USP25: variants seen among roughly 807,000 people sequenced by gnomAD.
USP25 encodes ubiquitin carboxyl-terminal hydrolase 25.
In USP25, 85 loss-of-function variants were observed where a neutral mutation model predicts 158.5. That is an observed-to-expected ratio of 0.54 (90% confidence interval 0.45 to 0.64). The LOEUF (loss-of-function observed/expected upper bound fraction) is 0.64. Among genes scored for constraint, USP25 ranks in the 30% least tolerant of loss-of-function variants. USP25 has a pLI of 0.00. For missense variants in USP25, 1,242 were observed against 1,327.3 expected, an observed-to-expected ratio of 0.94 and a Z score of 1.00; for synonymous variants, 464 against 460.4, an observed-to-expected ratio of 1.01 and a Z score of -0.10.
chr21:15,828,548 G>GC (rs1293780324), intron 14 of USP25, among the ~76,000 whole-genome samples: 8 of 152,214 alleles, frequency 5.3e-5, no homozygotes, highest in Non-Finnish European at 1.0e-4. Context: ...CAAATAGAAT[G>GC]TATTTTGGAA....
chr21:15,755,113 T>G (rs2033289299), intron 1 of USP25, among the ~76,000 whole-genome samples: 1 of 152,204 alleles, frequency 6.6e-6, no homozygotes, highest in Non-Finnish European at 1.5e-5. Flanking sequence ...GCAGTGCGTG[T>G]GATTCTGAAG....
chr21:15,827,294 A>G, intron 14 of USP25, 91 bp downstream of exon 14: 1 of 1,075,842 alleles, frequency 9.3e-7, no homozygotes, highest in Non-Finnish European at 1.3e-6. Context: ...TGGATTTTAT[A>G]TTTAAATATT....
intron 18 of USP25, among the ~76,000 whole-genome samples, chr21:15,846,898 G>T (rs1179359783): frequency 1.3e-5 from 2 of 152,048 alleles, no homozygotes; most frequent in Non-Finnish European, 2.9e-5. Context: ...CTGTATTAGT[G>T]TAGATTACTG....
intron 1 of USP25, among the ~76,000 whole-genome samples, chr21:15,736,313 G>A (rs1443650800): frequency 6.6e-6 from 1 of 152,076 alleles, no homozygotes. Context: ...GGCCAGGCTG[G>A]TCTTAAACTC....
chr21:15,766,276 T>A lies in USP25; in HGVS notation c.268+135T>A. On this transcript the variant is annotated intron_variant, in intron 3 of 25. Coordinates refer to ENST00000400183, the MANE Select transcript of USP25 (RefSeq NM_001283041.3). This position sits in a 1 kb window ranked among gnomAD's most constrained non-coding sequence, Gnocchi z 4.0. ...CTATTAACCTTGGTTCTTTTTAATGTAGTTGAAAGGAACATACATTATCTT... is the reference window on the plus strand; with the variant it reads ...CTATTAACCTTGGTTCTTTTTAATGAAGTTGAAAGGAACATACATTATCTT... The A allele has an allele frequency of 1.5e-6, 1 of 682,546 alleles. No homozygotes were observed. Among genetic ancestry groups the A allele is most frequent in the Non-Finnish European group, 2.2e-6 (1 of 462,596 alleles). 42.3% of individuals were successfully genotyped at this position (682,546 alleles called of 1,614,324 possible).
At chr21:15,790,180 C>G (rs2035515282) in intron 4 of USP25, among the ~76,000 whole-genome samples, 1 of 152,014 alleles carries the variant, frequency 6.6e-6, no homozygotes, top group Admixed American at 6.6e-5. Context: ...AGTTCTATGT[C>G]TTTTCGTGAA....
intron 1 of USP25, among the ~76,000 whole-genome samples, chr21:15,751,591 A>G (rs761504300): frequency 2.0e-5 from 3 of 152,222 alleles, no homozygotes; most frequent in East Asian, 1.9e-4. Context: ...AGTTAAATAC[A>G]TATTTTATTT....
At position 15,877,867 on chromosome 21, in the gene USP25, C is replaced by G. The variant is rs745687485; in HGVS notation, c.3081C>G (p.Ile1027Met). Residue 1027 changes from isoleucine to methionine, a missense_variant, in exon 25 of 26, where the codon ATC becomes ATG. Physicochemically the swap from Ile to Met is conservative, Grantham distance 10. Around this residue, in one of 3 missense-constraint regions of USP25, gnomAD observed 608 missense variants for 605.2 expected, o/e 1.00. Transcript: ENST00000400183. ...EDREVNNGLI[I>M]MNEFIVPFLP... ...GAGAAGTAAACAATGGTTTGATTAT[C>G]ATGAATGAGTTTATTGTCCCATTTT... The G allele has an allele frequency of 8.7e-6, 14 of 1,613,034 alleles. No homozygotes were observed. The highest frequency in any genetic ancestry group is 1.3e-5 in the African/African-American group (1 of 74,886).
intron 4 of USP25, among the ~76,000 whole-genome samples, chr21:15,789,611 A>G (rs1243624002): frequency 6.6e-6 from 1 of 152,032 alleles, no homozygotes; most frequent in Non-Finnish European, 1.5e-5. Flanking sequence ...CTGCACTGGT[A>G]CTAGTCAATT....
chr21:15,814,752 A>G (rs2036848440), intron 9 of USP25, among the ~76,000 whole-genome samples: 1 of 152,184 alleles, frequency 6.6e-6, no homozygotes, highest in Non-Finnish European at 1.5e-5. Context: ...GAGCTATTAA[A>G]AGCATTCCAT....
rs1348361487 is a variant in USP25 at position 15,766,671 on chromosome 21, A to G, written c.268+530A>G. On this transcript the variant is annotated intron_variant, in intron 3 of 25. Transcript: ENST00000400183. The surrounding 1 kb of genome is among the most constrained non-coding windows in gnomAD (Gnocchi z 4.0). ...GAAAAAGTGTTTTGGAGATACAAAT[A>G]CGTACATGTGGAAGATTCTATGTGG... Among the ~76,000 whole-genome samples, 2 of 152,064 alleles carry G rather than the reference A, an allele frequency of 1.3e-5. No homozygotes were observed.
rs751334996 is a variant in USP25 at position 15,808,877 on chromosome 21, AGAG to A, written c.853_855del (p.Glu285del). The stretch of plus-strand genomic sequence containing the variant: ...AAGATGCCTTCCAAATGAAAGCTGA[AGAG>A]GAGACGTAAGTTACCGTGAAGTTTA... On this transcript the variant is annotated inframe_deletion, in exon 8 of 26. Coordinates refer to ENST00000400183, the MANE Select transcript of USP25 (RefSeq NM_001283041.3). The A allele has an allele frequency of 2.0e-5, 33 of 1,610,454 alleles. No individual in the cohort carries two copies. The highest frequency in any genetic ancestry group is 5.3e-5 in the African/African-American group (4 of 74,778).
At chr21:15,832,028 C>T (rs986796155) in intron 16 of USP25, among the ~76,000 whole-genome samples, 1 of 152,178 alleles carries the variant, frequency 6.6e-6, no homozygotes, top group Admixed American at 6.5e-5. Flanking sequence ...GCTGTATCTG[C>T]TCATATCAAA....
chr21:15,861,786 T>TTAAGAATTGCA (rs2039438664), intron 20 of USP25, among the ~76,000 whole-genome samples: 1 of 152,138 alleles, frequency 6.6e-6, no homozygotes, highest in African/African-American at 2.4e-5. Flanking sequence ...TAAAAAATAG[T>TTAAGAATTGCA]TAAGAATTGC....
In USP25 at chr21:15,830,989, C is replaced by T. The variant is rs112130070; in HGVS notation, c.1764+388C>T. Among the ~76,000 whole-genome samples the T allele has an allele frequency of 2.1e-3, 316 of 152,216 alleles. 1 individual carries two copies. The highest frequency in any genetic ancestry group is 0.014 in the Middle Eastern group (4 of 294). ...AGATTTGGGAAGAAACTTAAGGACT[C>T]CATTACATTTTAACTTCTGGTGTAT... On this transcript the variant is annotated intron_variant, in intron 15 of 25. Coordinates refer to ENST00000400183, the MANE Select transcript of USP25 (RefSeq NM_001283041.3).
At chr21:15,852,861 A>G (rs902930489) in intron 20 of USP25, among the ~76,000 whole-genome samples, 5 of 152,200 alleles carry the variant, frequency 3.3e-5, no homozygotes, top group African/African-American at 1.2e-4. Context: ...ACATGAGTGT[A>G]ACCCCTTTAT....
chr21:15,770,713 T>C lies in USP25; in HGVS notation c.268+4572T>C, dbSNP rs145417186. ...TAATATTGAAATTCAGTTTCTCAGT[T>C]GCACTTTAAATGTTTAATTCTGGTG... is the stretch of plus-strand genomic sequence containing the variant. On this transcript the variant is annotated intron_variant, in intron 3 of 25. Coordinates refer to ENST00000400183, the MANE Select transcript of USP25 (RefSeq NM_001283041.3). Among the ~76,000 whole-genome samples, 347 of 152,332 alleles carry C rather than the reference T, an allele frequency of 2.3e-3. 2 individuals are homozygous for C. The highest frequency in any genetic ancestry group is 8.2e-3 in the African/African-American group (341 of 41,576).
In USP25 at chr21:15,816,073, T is replaced by C. The variant is rs1960432173; in HGVS notation, c.932-2625T>C. Among the ~76,000 whole-genome samples, 1 of 152,190 alleles carries C rather than the reference T, an allele frequency of 6.6e-6. No individual in the cohort carries two copies. Among genetic ancestry groups the C allele is most frequent in the Admixed American group, 6.5e-5 (1 of 15,270 alleles). The stretch of plus-strand genomic sequence containing the variant: ...CTGATGTAAATCTCAACTTGAATTA[T>C]ATCTCCCAGAGTTCCCACATGTTGT... On this transcript the variant is annotated intron_variant, in intron 9 of 25. Coordinates refer to ENST00000400183, the MANE Select transcript of USP25 (RefSeq NM_001283041.3). This position sits in a 1 kb window ranked among gnomAD's most constrained non-coding sequence, Gnocchi z 4.0.
In USP25 at chr21:15,823,946, A is replaced by G. The variant is rs947910315; in HGVS notation, c.1081-93A>G. 15 of 1,274,592 alleles carry G rather than the reference A, an allele frequency of 1.2e-5. No individual in the cohort carries two copies. In the African/African-American group the frequency reaches 2.1e-4, roughly 18 times the overall value. The allele number at this position is 1,274,592 out of a possible 1,614,324, so 79.0% of individuals were successfully genotyped here. A position where few individuals can be genotyped will look rare whatever the true frequency, so the allele number is the denominator to read the frequency against. ...AGGTCCGCATTGTGGTGATACATATAACAATGTCAGTGCCCACATCCTGTG... is the reference window on the plus strand; with the variant it reads ...AGGTCCGCATTGTGGTGATACATATGACAATGTCAGTGCCCACATCCTGTG... On this transcript the variant is annotated intron_variant, in intron 10 of 25. Coordinates refer to ENST00000400183, the MANE Select transcript of USP25 (RefSeq NM_001283041.3).
Sources: gnomAD v4.1 joint callset for allele counts (sites outside exome capture counted in the v4.1 genomes callset) on GRCh38, gnomAD v4.1.1 for gene constraint, gnomAD v4.1.1 regional missense constraint, Gnocchi (gnomAD v3.1) non-coding constraint, MANE v1.5 for transcripts, NCBI Gene and HGNC (gene_info 2026-07-23, HGNC 2026-07-21) for gene names.